Variants in VPS13A observed in about 807,000 individuals in gnomAD.
VPS13A encodes intermembrane lipid transfer protein VPS13A.
A neutral mutation model predicts 390.9 loss-of-function variants in VPS13A; 264 were observed. That is an observed-to-expected ratio of 0.68 (90% CI 0.61 to 0.75). The LOEUF (loss-of-function observed/expected upper bound fraction) is 0.75, where lower values mean the gene tolerates loss of function less well. VPS13A is among the 30% of genes least tolerant of loss of function. VPS13A has a pLI of 0.00. For missense variants in VPS13A, 3,409 were observed against 3,733.9 expected, an observed-to-expected ratio of 0.91 and a Z score of 2.27; for synonymous variants, 1,231 against 1,227.1, an observed-to-expected ratio of 1.00 and a Z score of -0.07.
chr9:77,303,343 GGT>G (rs1461348230), intron 34 of VPS13A, among the ~76,000 whole-genome samples: 1 of 152,080 alleles, frequency 6.6e-6, no homozygotes, highest in African/African-American at 2.4e-5. Context: ...TGATCTGGAA[GGT>G]ATAGTAGTAG....
At chr9:77,390,490 C>T (rs1236873480) in intron 68 of VPS13A, among the ~76,000 whole-genome samples, 1 of 152,038 alleles carries the variant, frequency 6.6e-6, no homozygotes, top group East Asian at 1.9e-4. Flanking sequence ...CACTTAGAAC[C>T]TTCCAGTGTT....
chr9:77,278,287 A>G (rs1015380682), intron 26 of VPS13A, among the ~76,000 whole-genome samples: 2 of 136,224 alleles, frequency 1.5e-5, no homozygotes, highest in Non-Finnish European at 3.1e-5. Flanking sequence ...GGGTTTCACC[A>G]TAGTCTCAAT....
Position 77,233,265 on chromosome 9 carries a change from T to C in VPS13A, c.1596-4737T>C, listed in dbSNP as rs182773938. 3.0e-4 allele frequency among the ~76,000 whole-genome samples: 45 copies of C among 152,232 alleles called. 1 individual carries two copies. In the East Asian group the frequency reaches 8.5e-3, roughly 29 times the overall value. On this transcript the variant is annotated intron_variant, in intron 17 of 71. Transcript: ENST00000360280. ...GTGTCATAATGCCTCCACTTTGATT[T>C]CTAGTTATAGATATTTGCATCTTTA...
At chr9:77,312,584 G>A (rs1239435524) in intron 35 of VPS13A, among the ~76,000 whole-genome samples, 1 of 151,880 alleles carries the variant, frequency 6.6e-6, no homozygotes, top group South Asian at 2.1e-4. Flanking sequence ...CCGCCACCAT[G>A]CCTGGCTAAT....
chr9:77,186,170 A>G (rs1291920684), intron 1 of VPS13A, among the ~76,000 whole-genome samples: 1 of 152,252 alleles, frequency 6.6e-6, no homozygotes, highest in Non-Finnish European at 1.5e-5. Flanking sequence ...AAATGGAGGT[A>G]GTATATGTAA....
rs1835304146 is a variant in VPS13A, at chr9:77,420,193, A to T, written c.*4187A>T. ...TGTCGGTTAAAATTTTGATTCTTGT[A>T]ATCTGTACTGTCAATTTTTGGCCAC... On this transcript the variant is annotated 3_prime_UTR_variant, in exon 72 of 72. Transcript: ENST00000360280. 2 of 152,204 alleles carry T rather than the reference A, an allele frequency of 1.3e-5. No homozygotes were observed. The highest frequency in any genetic ancestry group is 4.1e-4 in the South Asian group (2 of 4,826). The allele number at this position is 152,204 out of a possible 1,614,324, so 9.4% of individuals were successfully genotyped here. A position where few individuals can be genotyped will look rare whatever the true frequency, so the allele number is the denominator to read the frequency against.
intron 68 of VPS13A, among the ~76,000 whole-genome samples, chr9:77,386,680 G>C (rs1421957464): frequency 6.6e-6 from 1 of 151,236 alleles, no homozygotes; most frequent in African/African-American, 2.4e-5. Flanking sequence ...TTAGCCCTTA[G>C]AGATGAGATG....
intron 67 of VPS13A, among the ~76,000 whole-genome samples, chr9:77,377,409 C>T (rs1025584923): frequency 8.6e-5 from 13 of 151,724 alleles, no homozygotes; most frequent in South Asian, 2.1e-4. Context: ...TTAGTAGAGA[C>T]GGGGTTTCAC....
intron 21 of VPS13A, among the ~76,000 whole-genome samples, 168 bp from the exon 22 acceptor site, chr9:77,252,067 A>G (rs1164109881): frequency 2.0e-5 from 3 of 152,174 alleles, no homozygotes; most frequent in African/African-American, 4.8e-5. Context: ...GATGCGCAGT[A>G]GATTTGATAA....
chr9:77,191,823 G>A (rs540457418), intron 1 of VPS13A, among the ~76,000 whole-genome samples: 1 of 152,242 alleles, frequency 6.6e-6, no homozygotes, highest in East Asian at 1.9e-4. Flanking sequence ...TTTTAGATAC[G>A]TGCCATGTGC....
At chr9:77,406,700 A>T (rs532404438) in intron 70 of VPS13A, among the ~76,000 whole-genome samples, 9 of 150,768 alleles carry the variant, frequency 6.0e-5, no homozygotes, top group Non-Finnish European at 1.0e-4. Flanking sequence ...TATAGACGTG[A>T]GCCACTGGAC....
At chr9:77,177,981 G>A (rs1823747332) in intron 1 of VPS13A, 177 bp downstream of exon 1, 1 of 594,798 alleles carries the variant, frequency 1.7e-6, no homozygotes. Flanking sequence ...CCTGGCCTCC[G>A]CCCTCGAGTT....
At chr9:77,178,340 C>T (rs1298735128) in intron 1 of VPS13A, among the ~76,000 whole-genome samples, 1 of 152,168 alleles carries the variant, frequency 6.6e-6, no homozygotes, top group Non-Finnish European at 1.5e-5. Flanking sequence ...CTGGCTTCAC[C>T]CGTGGTGCTT....
At chr9:77,240,294 C>A (rs1824401330) in intron 19 of VPS13A, among the ~76,000 whole-genome samples, 1 of 151,682 alleles carries the variant, frequency 6.6e-6, no homozygotes, top group Non-Finnish European at 1.5e-5. Context: ...ACTGTGTTGG[C>A]CAGGCTGGTC....
chr9:77,261,151 G>A (rs201422806), intron 23 of VPS13A, among the ~76,000 whole-genome samples: 2 of 151,916 alleles, frequency 1.3e-5, no homozygotes, highest in South Asian at 2.1e-4. Context: ...CACCCGCCTC[G>A]GCCTTCCAAA....
intron 16 of VPS13A, 48 bp from the exon 17 acceptor site, chr9:77,228,074 T>A (rs1226529919): frequency 6.3e-5 from 79 of 1,250,278 alleles, no homozygotes; most frequent in Non-Finnish European, 8.5e-5. Context: ...TTTGTTATGC[T>A]TATATATATA....
At chr9:77,372,766 T>C (rs570306998) in intron 67 of VPS13A, among the ~76,000 whole-genome samples, 9 of 152,210 alleles carry the variant, frequency 5.9e-5, no homozygotes, top group African/African-American at 1.2e-4. Context: ...CTCCTTAAGC[T>C]AAGAAGCAAC....
intron 1 of VPS13A, among the ~76,000 whole-genome samples, chr9:77,195,722 G>A (rs1334174348): frequency 1.3e-5 from 2 of 152,022 alleles, no homozygotes; most frequent in South Asian, 2.1e-4. Context: ...GGGCGACACA[G>A]CGAGACTCCG....
intron 1 of VPS13A, among the ~76,000 whole-genome samples, chr9:77,179,327 A>G (rs1184591133): frequency 6.6e-6 from 1 of 152,212 alleles, no homozygotes; most frequent in Non-Finnish European, 1.5e-5. Flanking sequence ...ATGGCACATA[A>G]AAGGTTCATC....
Sources: gnomAD v4.1 joint callset for allele counts (sites outside exome capture counted in the v4.1 genomes callset) on GRCh38, gnomAD v4.1.1 for gene constraint, MANE v1.5 for transcripts, NCBI Gene and HGNC (gene_info 2026-07-23, HGNC 2026-07-21) for gene names.